PIK3CB: variants seen among roughly 807,000 people sequenced by gnomAD.
PIK3CB encodes phosphatidylinositol 4,5-bisphosphate 3-kinase catalytic subunit beta isoform.
In PIK3CB, 39 loss-of-function variants were observed where a neutral mutation model predicts 136.8. The observed-to-expected ratio is 0.29, with a 90% CI of 0.22 to 0.37. The LOEUF (loss-of-function observed/expected upper bound fraction) is 0.37, where lower values mean the gene tolerates loss of function less well. PIK3CB is among the 10% of genes least tolerant of loss of function. The pLI is 1.00. For synonymous variants in PIK3CB, 428 were observed against 436.6 expected (o/e 0.98, Z 0.25); for missense variants, 868 against 1,275.4 (o/e 0.68, Z 4.87).
intron 8 of PIK3CB, among the ~76,000 whole-genome samples, chr3:138,724,803 C>T (rs2044802957): frequency 6.6e-6 from 1 of 152,164 alleles, no homozygotes; most frequent in African/African-American, 2.4e-5. Context: ...CCAAAAGCCA[C>T]GGCGGAGACC....
chr3:138,800,468 G>C (rs951003341), intron 1 of PIK3CB, among the ~76,000 whole-genome samples: 17 of 151,238 alleles, frequency 1.1e-4, no homozygotes, highest in African/African-American at 4.1e-4. Context: ...GACTACAGGC[G>C]TGTGCCACCA....
intron 23 of PIK3CB, 128 bp from the exon 24 acceptor site, chr3:138,655,654 AT>A: frequency 2.9e-6 from 2 of 689,356 alleles, no homozygotes; most frequent in South Asian, 3.5e-5. Flanking sequence ...TCATGTTCTT[AT>A]TTAAATATCA....
Position 138,780,640 on chromosome 3 carries a change from A to AAC in PIK3CB, c.-17+15822_-17+15823insGT, listed in dbSNP as rs1226586475. Among the ~76,000 whole-genome samples, 9 of 43,416 alleles carry AAC rather than the reference A, an allele frequency of 2.1e-4. No individual in the cohort carries two copies. In the African/African-American group the frequency reaches 2.8e-3, roughly 13 times the overall value. 28.5% of individuals were successfully genotyped at this position (43,416 alleles called of 152,430 possible). On this transcript the variant is annotated intron_variant, in intron 2 of 23. Coordinates refer to ENST00000674063, the MANE Select transcript of PIK3CB (RefSeq NM_006219.3). ...TCCAAAAAGAAAGCAGTGTGGGCTA[A>AAC]ATGTTTTTAAAATTATGTCTTTTTT...
At chr3:138,800,719 G>C (rs1403849122) in intron 1 of PIK3CB, among the ~76,000 whole-genome samples, 1 of 152,072 alleles carries the variant, frequency 6.6e-6, no homozygotes, top group African/African-American at 2.4e-5. Flanking sequence ...CTATCTTCCA[G>C]GTTCAAGTGA....
chr3:138,708,366 T>A (rs1463214850), intron 10 of PIK3CB, among the ~76,000 whole-genome samples: 1 of 150,338 alleles, frequency 6.7e-6, no homozygotes, highest in Non-Finnish European at 1.5e-5. Flanking sequence ...GCTCAAGTGA[T>A]CCTCCCACCT....
intron 2 of PIK3CB, among the ~76,000 whole-genome samples, chr3:138,760,017 T>G (rs1016925300): frequency 6.6e-6 from 1 of 151,806 alleles, no homozygotes; most frequent in African/African-American, 2.4e-5. Flanking sequence ...CGCCTCCCAG[T>G]TTTACGCCAT....
chr3:138,670,412 T>C (rs1226745599), intron 19 of PIK3CB, among the ~76,000 whole-genome samples: 3 of 152,222 alleles, frequency 2.0e-5, no homozygotes, highest in African/African-American at 7.2e-5. Flanking sequence ...GTTTCCCTCC[T>C]TTTTTGTGGG....
rs1275499118 is a variant in PIK3CB, at chr3:138,705,171, AAACAAAAAACAAAACAAAC to A, written c.1531-697_1531-679del. Among the ~76,000 whole-genome samples, 296 of 88,182 alleles carry A rather than the reference AAACAAAAAACAAAACAAAC, an allele frequency of 3.4e-3. 50 individuals carry two copies. Among genetic ancestry groups the A allele is most frequent in the Middle Eastern group, 8.5e-3 (2 of 236 alleles). 57.9% of individuals were successfully genotyped at this position (88,182 alleles called of 152,430 possible). On this transcript the variant is annotated intron_variant, in intron 11 of 23. Coordinates refer to ENST00000674063, the MANE Select transcript of PIK3CB (RefSeq NM_006219.3). ...TTAGAAAGGCAAAAAAAAAAAAAAA[AAACAAAAAACAAAACAAAC>A]AAAAAAAAAAACTTATATTTGCAAA...
rs1028107577 is a variant in PIK3CB at position 138,759,404 on chromosome 3, A to G, written c.-16-45T>C. 16 of 1,329,604 alleles carry G rather than the reference A, an allele frequency of 1.2e-5. No individual in the cohort carries two copies. In the Admixed American group the frequency reaches 2.9e-4, roughly 24 times the overall value. The allele number at this position is 1,329,604 out of a possible 1,614,324, so 82.4% of individuals were successfully genotyped here. A position where few individuals can be genotyped will look rare whatever the true frequency, so the allele number is the denominator to read the frequency against. ...ACATAGCAAAACAACCATCAGCCAA[A>G]TTTTATACCAAGATATGATAAAGAC... On this transcript the variant is annotated intron_variant, in intron 2 of 23. Coordinates refer to ENST00000674063, the MANE Select transcript of PIK3CB (RefSeq NM_006219.3).
chr3:138,708,196 C>T (rs1175032347), intron 10 of PIK3CB, among the ~76,000 whole-genome samples: 3 of 151,680 alleles, frequency 2.0e-5, no homozygotes, highest in African/African-American at 7.3e-5. Context: ...TACAAGTTTT[C>T]GTTCCTTAAT....
chr3:138,798,118 G>A (rs2046128861), intron 1 of PIK3CB, among the ~76,000 whole-genome samples: 1 of 152,002 alleles, frequency 6.6e-6, no homozygotes, highest in African/African-American at 2.4e-5. Context: ...GGATTTTAGG[G>A]TAAAGATAGA....
chr3:138,671,013 G>A (rs1163771998), intron 19 of PIK3CB, among the ~76,000 whole-genome samples: 1 of 152,030 alleles, frequency 6.6e-6, no homozygotes, highest in Non-Finnish European at 1.5e-5. Flanking sequence ...GATAAACAAA[G>A]AGTAGTACTA....
intron 4 of PIK3CB, among the ~76,000 whole-genome samples, chr3:138,744,034 G>A (rs1559856522): frequency 6.6e-6 from 1 of 151,786 alleles, no homozygotes; most frequent in African/African-American, 2.4e-5. Context: ...CTTCTGATTA[G>A]AAAAAAAGAA....
chr3:138,826,166 G>C, intron 1 of PIK3CB: 1 of 1,088,774 alleles, frequency 9.2e-7, no homozygotes, highest in Non-Finnish European at 1.4e-6. Context: ...TTCCTGACAA[G>C]CCGATGTATG....
At chr3:138,739,680 C>T (rs911800248) in intron 5 of PIK3CB, among the ~76,000 whole-genome samples, 3 of 150,198 alleles carry the variant, frequency 2.0e-5, no homozygotes, top group African/African-American at 7.3e-5. Flanking sequence ...GCGGGCGGAT[C>T]ACTTAAGCTC....
In PIK3CB at chr3:138,759,284, C is replaced by T; in HGVS notation, c.60G>A (p.Val20=). Residue 20 remains valine, a synonymous_variant, in exon 3 of 24, where the codon GTG becomes GTA. Coordinates refer to ENST00000674063, the MANE Select transcript of PIK3CB (RefSeq NM_006219.3). ...AGCCATCAGATGCTATCTGTGAATC[C>T]ACCGCCCAGATGTCAAGGATGTCTG... ...AMADILDIWA[V]DSQIASDGSI... The T allele has an allele frequency of 1.2e-6, 2 of 1,612,772 alleles. No homozygotes were observed. Among genetic ancestry groups the T allele is most frequent in the Non-Finnish European group, 1.7e-6 (2 of 1,178,990 alleles).
intron 1 of PIK3CB, among the ~76,000 whole-genome samples, chr3:138,832,706 G>C (rs1934086896): frequency 6.6e-6 from 1 of 151,918 alleles, no homozygotes; most frequent in African/African-American, 2.4e-5. Context: ...GCACATGCCT[G>C]TAATCCCAAC....
chr3:138,705,179 A>AG (rs2044345855), intron 11 of PIK3CB, among the ~76,000 whole-genome samples: 1 of 85,716 alleles, frequency 1.2e-5, no homozygotes, highest in African/African-American at 6.0e-5. Flanking sequence ...AAAAACAAAA[A>AG]ACAAAACAAA....
intron 10 of PIK3CB, among the ~76,000 whole-genome samples, chr3:138,708,339 C>A (rs2044423787): frequency 6.8e-6 from 1 of 147,508 alleles, no homozygotes; most frequent in Non-Finnish European, 1.5e-5. Flanking sequence ...TGGCTCACTG[C>A]AACCTCCACC....
Sources: gnomAD v4.1 joint callset for allele counts (sites outside exome capture counted in the v4.1 genomes callset) on GRCh38, gnomAD v4.1.1 for gene constraint, MANE v1.5 for transcripts, NCBI Gene and HGNC (gene_info 2026-07-23, HGNC 2026-07-21) for gene names.